The following FMN1 variants were observed in gnomAD, a reference collection of about 807,000 sequenced individuals.
FMN1 encodes the protein formin 1, also known as formin-1.
In FMN1, 110 loss-of-function variants were observed where a neutral mutation model predicts 132.4. The observed-to-expected ratio is 0.83, with a 90% CI of 0.71 to 0.97. FMN1 has a LOEUF of 0.97. FMN1 is among the 50% of genes least tolerant of loss of function. The pLI is 0.00. For missense variants in FMN1, 1,792 were observed against 1,705.3 expected (o/e 1.05, Z -0.90); for synonymous variants, 722 against 651.7 (o/e 1.11, Z -1.64).
intron 7 of FMN1, among the ~76,000 whole-genome samples, chr15:32,997,321 C>CTT (rs113292190): frequency 0.056 from 8,025 of 142,982 alleles, 275 homozygotes; most frequent in Non-Finnish European, 0.082. Flanking sequence ...ATATCACCGT[C>CTT]TTTTTTTTTT....
intron 16 of FMN1, among the ~76,000 whole-genome samples, chr15:32,879,653 T>A (rs1286812229): frequency 6.6e-6 from 1 of 151,750 alleles, no homozygotes. Flanking sequence ...AATCCAGAAG[T>A]ATGATCGGCT....
At chr15:32,989,590 A>G (rs1341559498) in intron 7 of FMN1, among the ~76,000 whole-genome samples, 1 of 152,126 alleles carries the variant, frequency 6.6e-6, no homozygotes, top group Non-Finnish European at 1.5e-5. Flanking sequence ...GCCAAGATAA[A>G]TTGGAGGGTC....
At chr15:33,118,023 G>C (rs930031833) in intron 4 of FMN1, among the ~76,000 whole-genome samples, 1 of 152,128 alleles carries the variant, frequency 6.6e-6, no homozygotes, top group Non-Finnish European at 1.5e-5. Flanking sequence ...ATGATATAGT[G>C]TGTTGTGAAT....
chr15:33,118,142 C>T (rs1427921964), intron 4 of FMN1, among the ~76,000 whole-genome samples: 1 of 152,130 alleles, frequency 6.6e-6, no homozygotes, highest in Non-Finnish European at 1.5e-5. Context: ...GCCAATACAC[C>T]ACAAAATGTA....
chr15:32,906,277 G>A (rs1316076825), intron 12 of FMN1, among the ~76,000 whole-genome samples: 1 of 152,136 alleles, frequency 6.6e-6, no homozygotes, highest in Non-Finnish European at 1.5e-5. Context: ...TTTTTGTATG[G>A]CCCATGAATT....
chr15:32,852,573 C>A (rs767764157), intron 17 of FMN1, among the ~76,000 whole-genome samples: 2 of 152,160 alleles, frequency 1.3e-5, no homozygotes, highest in Non-Finnish European at 2.9e-5. Flanking sequence ...CACTTTGTTG[C>A]CCAGGCTGGT....
At chr15:32,958,019 A>C (rs1420623396) in intron 9 of FMN1, among the ~76,000 whole-genome samples, 3 of 152,104 alleles carry the variant, frequency 2.0e-5, no homozygotes, top group Admixed American at 2.0e-4. Context: ...ATTAGTAATA[A>C]ATTTATTTTA....
At chr15:32,815,526 C>T (rs566577989) in intron 17 of FMN1, among the ~76,000 whole-genome samples, 6 of 152,092 alleles carry the variant, frequency 3.9e-5, no homozygotes, top group Admixed American at 3.3e-4. Flanking sequence ...CACTTGAAAA[C>T]TATGGAGCTA....
chr15:33,190,678 T>C (rs965612377), intron 2 of FMN1, among the ~76,000 whole-genome samples: 2 of 152,182 alleles, frequency 1.3e-5, no homozygotes, highest in Non-Finnish European at 2.9e-5. Flanking sequence ...TCTGAGCTTC[T>C]TTAACAAAAA....
rs539422726 is a variant in FMN1 at position 32,893,476 on chromosome 15, G to T, written c.3715-5184C>A. Among the ~76,000 whole-genome samples, 134 of 152,334 alleles carry T rather than the reference G, an allele frequency of 8.8e-4. 1 individual carries two copies. The highest frequency in any genetic ancestry group is 2.9e-3 in the African/African-American group (120 of 41,572). On this transcript the variant is annotated intron_variant, in intron 15 of 20. Transcript: ENST00000616417. Reference sequence around the variant, plus strand: ...AAAGCTGCTTAATTAGAGTTAAAAAGGCATGACTCTACATGGGTTTCTTTA... The same window carrying T: ...AAAGCTGCTTAATTAGAGTTAAAAATGCATGACTCTACATGGGTTTCTTTA...
At chr15:32,998,341 C>G (rs1235955416) in intron 7 of FMN1, among the ~76,000 whole-genome samples, 1 of 152,148 alleles carries the variant, frequency 6.6e-6, no homozygotes, top group Admixed American at 6.5e-5. Context: ...TTGCCTAGCA[C>G]TGATCTAGGT....
At chr15:32,890,022 G>A (rs1050852446) in intron 15 of FMN1, among the ~76,000 whole-genome samples, 1 of 152,212 alleles carries the variant, frequency 6.6e-6, no homozygotes, top group African/African-American at 2.4e-5. Flanking sequence ...AACATACGAT[G>A]TTTGGTTTTC....
intron 9 of FMN1, among the ~76,000 whole-genome samples, chr15:32,945,066 C>T (rs1218028956): frequency 6.6e-6 from 1 of 152,050 alleles, no homozygotes; most frequent in African/African-American, 2.4e-5. Flanking sequence ...GTTAAATTAG[C>T]CCTAGGAAAC....
At chr15:32,965,005 C>T (rs544875956) in intron 8 of FMN1, among the ~76,000 whole-genome samples, 114 of 152,316 alleles carry the variant, frequency 7.5e-4, no homozygotes, top group Non-Finnish European at 1.5e-3. Context: ...CGTAACAGAA[C>T]AGCCTCCGTG....
chr15:32,854,564 C>G (rs2059080760), intron 17 of FMN1, among the ~76,000 whole-genome samples: 1 of 152,182 alleles, frequency 6.6e-6, no homozygotes, highest in Non-Finnish European at 1.5e-5. Flanking sequence ...ACTTTTACCT[C>G]ATCTGTAAAG....
At chr15:32,964,282 A>T (rs1161097271) in intron 8 of FMN1, 25 bp from the exon 9 acceptor site, 6 of 1,516,972 alleles carry the variant, frequency 4.0e-6, no homozygotes, top group Non-Finnish European at 4.5e-6. Context: ...TGACAAGTTA[A>T]CCATAAGAAC....
intron 12 of FMN1, among the ~76,000 whole-genome samples, chr15:32,904,718 G>GAA (rs1477339637): frequency 6.6e-6 from 1 of 152,008 alleles, no homozygotes; most frequent in Non-Finnish European, 1.5e-5. Flanking sequence ...AAATTTGGAG[G>GAA]AAAAAAATAG....
intron 19 of FMN1, among the ~76,000 whole-genome samples, chr15:32,793,288 C>CT (rs538870960): frequency 1.9e-4 from 28 of 147,634 alleles, no homozygotes; most frequent in Middle Eastern, 6.9e-3. Flanking sequence ...TTTTTCTTTT[C>CT]TTTTTTTTTT....
Position 33,153,283 on chromosome 15 carries a change from A to G in FMN1, c.1632T>C (p.Pro544=), listed in dbSNP as rs922014478. 6.5e-7 allele frequency: 1 copy of G among 1,536,158 alleles called. No individual in the cohort carries two copies. The highest frequency in any genetic ancestry group is 1.2e-5 in the South Asian group (1 of 84,060). ...CATTAAGAGCAGCTTCCCTCTCACCAGGCAATGCAGGGAGCCGGAGGATCC... is the reference window on the plus strand; with the variant it reads ...CATTAAGAGCAGCTTCCCTCTCACCGGGCAATGCAGGGAGCCGGAGGATCC... ...HHRILRLPAL[P]GEREAALNDS... is the part of the protein sequence containing the mutation. Residue 544 remains proline, a synonymous_variant, in exon 4 of 21, where the codon CCT becomes CCC. Coordinates refer to ENST00000616417, the MANE Select transcript of FMN1 (RefSeq NM_001277313.2).
Sources: allele counts gnomAD v4.1 joint callset (sites outside exome capture counted in the v4.1 genomes callset), GRCh38; gene constraint gnomAD v4.1.1; transcripts MANE v1.5; gene names NCBI Gene and HGNC (gene_info 2026-07-23, HGNC 2026-07-21).